TRERF1: variants seen among roughly 807,000 people sequenced by gnomAD.
The protein encoded by TRERF1 is transcriptional regulating factor 1, also known as transcriptional-regulating factor 1.
In TRERF1, 27 loss-of-function variants were observed where a neutral mutation model predicts 122.9. That is an observed-to-expected ratio of 0.22 (90% CI 0.16 to 0.30). TRERF1 has a LOEUF of 0.30. Among genes scored for constraint, TRERF1 ranks in the 10% least tolerant of loss-of-function variants. TRERF1 has a pLI of 1.00. For synonymous variants in TRERF1, 636 were observed against 641.7 expected, an observed-to-expected ratio of 0.99 and a Z score of 0.13; for missense variants, 1,248 against 1,560.3, an observed-to-expected ratio of 0.80 and a Z score of 3.37.
intron 3 of TRERF1, among the ~76,000 whole-genome samples, chr6:42,325,312 G>A (rs895759992): frequency 6.6e-6 from 1 of 152,150 alleles, no homozygotes; most frequent in East Asian, 1.9e-4. Context: ...TGATGGGAGT[G>A]TAAATTAGTT....
rs1398053091 is a variant in TRERF1, at chr6:42,268,501, G to C, written c.1090C>G (p.His364Asp). ...CCCAGGGGAATCAGCTGGACAGTGT[G>C]TGCCTGCTCTGGGGTATACTGGTGA... The change falls in exon 5 of 18, where the codon CAC (histidine) becomes GAC (aspartate). Residue 364 changes from histidine (H) to aspartate (D), a missense_variant. By Grantham distance (81) the His-to-Asp change is moderately conservative (BLOSUM62 -1). Coordinates refer to ENST00000372922, the Ensembl canonical transcript of TRERF1. This position sits in a 1 kb window ranked among gnomAD's most constrained non-coding sequence, Gnocchi z 4.4. The C allele has an allele frequency of 1.9e-6, 3 of 1,613,450 alleles. No individual in the cohort carries two copies. Among genetic ancestry groups the C allele is most frequent in the Admixed American group, 1.7e-5 (1 of 59,990 alleles).
At chr6:42,301,953 G>A (rs1241711900) in intron 3 of TRERF1, among the ~76,000 whole-genome samples, 1 of 152,224 alleles carries the variant, frequency 6.6e-6, no homozygotes, top group Non-Finnish European at 1.5e-5. Flanking sequence ...CACAGCAGGA[G>A]CTTTGGGAAA....
chr6:42,229,462 T>C (rs1770084815), intron 17 of TRERF1, among the ~76,000 whole-genome samples: 1 of 152,218 alleles, frequency 6.6e-6, no homozygotes, highest in Non-Finnish European at 1.5e-5. Context: ...TTGAAGGATC[T>C]GCCCACACGC....
intron 5 of TRERF1, among the ~76,000 whole-genome samples, chr6:42,267,891 C>T (rs181417237): frequency 2.0e-4 from 30 of 152,300 alleles, no homozygotes; most frequent in East Asian, 9.7e-4. Flanking sequence ...TTGACCATTA[C>T]GTGAATCATT....
intron 3 of TRERF1, among the ~76,000 whole-genome samples, chr6:42,321,960 A>G (rs1315369716): frequency 6.6e-6 from 1 of 152,258 alleles, no homozygotes; most frequent in Non-Finnish European, 1.5e-5. Flanking sequence ...GATAAAGCAT[A>G]AAAGACTGAA....
At chr6:42,386,730 G>A (rs116612132) in intron 2 of TRERF1, among the ~76,000 whole-genome samples, 635 of 152,322 alleles carry the variant, frequency 4.2e-3, no homozygotes, top group Middle Eastern at 6.8e-3. Flanking sequence ...CGGATCTTTG[G>A]TTGGGAAGCT....
intron 3 of TRERF1, among the ~76,000 whole-genome samples, chr6:42,306,430 C>T (rs1035879085): frequency 8.5e-5 from 13 of 152,202 alleles, no homozygotes; most frequent in African/African-American, 3.1e-4. Flanking sequence ...CTTAATCAGG[C>T]CCTCGTGTAT....
chr6:42,371,737 A>G (rs938298298), intron 2 of TRERF1, among the ~76,000 whole-genome samples: 3 of 152,098 alleles, frequency 2.0e-5, no homozygotes, highest in African/African-American at 7.2e-5. Flanking sequence ...CCTGTCCTAT[A>G]AGAAAGAAGC....
chr6:42,302,577 G>C (rs970049416), intron 3 of TRERF1, among the ~76,000 whole-genome samples: 3 of 152,166 alleles, frequency 2.0e-5, no homozygotes, highest in Non-Finnish European at 4.4e-5. Flanking sequence ...AAATTCTAGC[G>C]ATAAGCACAT....
At chr6:42,328,122 C>T (rs565015762) in intron 3 of TRERF1, among the ~76,000 whole-genome samples, 1 of 151,192 alleles carries the variant, frequency 6.6e-6, no homozygotes, top group South Asian at 2.1e-4. Context: ...TCTCATGTGC[C>T]TCAGCCTCCT....
chr6:42,422,682 C>T (rs1218032436), intron 2 of TRERF1, among the ~76,000 whole-genome samples: 1 of 151,994 alleles, frequency 6.6e-6, no homozygotes, highest in Non-Finnish European at 1.5e-5. Context: ...GCTGCCCAAT[C>T]CCCCTTCGCT....
At chr6:42,436,810 AAAAAAT>A (rs1251315379) in intron 2 of TRERF1, among the ~76,000 whole-genome samples, 32 of 102,258 alleles carry the variant, frequency 3.1e-4, no homozygotes, top group African/African-American at 9.4e-4. Context: ...CAAAAAAAAA[AAAAAAT>A]ATATATATAT....
rs542209748 is a variant in TRERF1 at position 42,233,126 on chromosome 6, G to A, written c.3067-234C>T. On this transcript the variant is annotated intron_variant, in intron 16 of 17. Transcript: ENST00000372922. ...CTACAATCAGAAGAGAAGAAGCGAC[G>A]TGGCACAGGATAAAGAATAAAGCTA... is the stretch of plus-strand genomic sequence containing the variant. 3.5e-3 allele frequency among the ~76,000 whole-genome samples: 534 copies of A among 152,198 alleles called. 4 individuals carry two copies. The highest frequency in any genetic ancestry group is 0.012 in the African/African-American group (504 of 41,506).
intron 13 of TRERF1, among the ~76,000 whole-genome samples, chr6:42,251,138 G>A (rs1775729311): frequency 6.6e-6 from 1 of 151,826 alleles, no homozygotes; most frequent in Admixed American, 6.6e-5. Context: ...TGGGATTACA[G>A]GCATGCACCA....
intron 15 of TRERF1, among the ~76,000 whole-genome samples, chr6:42,238,092 T>C (rs1772679718): frequency 6.6e-6 from 1 of 152,190 alleles, no homozygotes; most frequent in South Asian, 2.1e-4. Context: ...TGGTCTTATT[T>C]CTGTAAGACT....
intron 8 of TRERF1, among the ~76,000 whole-genome samples, chr6:42,262,431 G>A (rs1279287638): frequency 2.6e-3 from 61 of 23,560 alleles, no homozygotes; most frequent in African/African-American, 0.012. Context: ...AATTCCCTAG[G>A]GGCAGAGAGA....
In TRERF1 at chr6:42,388,204, G is replaced by T. The variant is rs1445875422; in HGVS notation, c.-453-25125C>A. ...TGAACTCAAATAAATGTTGTTAAAA[G>T]ATGCAGTTTTGATTTCTTTCTTTTT... is the stretch of plus-strand genomic sequence containing the variant. On this transcript the variant is annotated intron_variant, in intron 2 of 17. Transcript: ENST00000372922. Among the ~76,000 whole-genome samples the T allele has an allele frequency of 2.0e-5, 3 of 151,276 alleles. No homozygotes were observed. The East Asian group carries it at 5.8e-4, about 29-fold the overall frequency.
intron 2 of TRERF1, among the ~76,000 whole-genome samples, chr6:42,414,721 A>G (rs1286162118): frequency 6.6e-6 from 1 of 152,224 alleles, no homozygotes; most frequent in Non-Finnish European, 1.5e-5. Flanking sequence ...GCACTCCGTT[A>G]TCTTCTATTC....
At position 42,228,303 on chromosome 6, in the gene TRERF1, G is replaced by C. The variant is rs1251702449; in HGVS notation, c.*42C>G. On this transcript the variant is annotated 3_prime_UTR_variant, in exon 18 of 18. Transcript: ENST00000372922. This position sits in a 1 kb window ranked among gnomAD's most constrained non-coding sequence, Gnocchi z 4.2. ...CCAGGTTTCCTGATTAATGAAGATG[G>C]AGGCCGTGGGTTTTCACTGTCTCTA... is the stretch of plus-strand genomic sequence containing the variant. 1 of 1,517,878 alleles carries C rather than the reference G, an allele frequency of 6.6e-7. No homozygotes were observed. Among genetic ancestry groups the C allele is most frequent in the Non-Finnish European group, 8.9e-7 (1 of 1,128,482 alleles). The allele number at this position is 1,517,878 out of a possible 1,614,324, so 94.0% of individuals were successfully genotyped here.
Sources: gnomAD v4.1 joint callset for allele counts (sites outside exome capture counted in the v4.1 genomes callset) on GRCh38, gnomAD v4.1.1 for gene constraint, Gnocchi (gnomAD v3.1) non-coding constraint, MANE v1.5 for transcripts, NCBI Gene and HGNC (gene_info 2026-07-23, HGNC 2026-07-21) for gene names.